The following SPATA18 variants were observed in gnomAD, a reference collection of about 807,000 sequenced individuals.
The protein encoded by SPATA18 is spermatogenesis associated 18.
A neutral mutation model predicts 68.1 loss-of-function variants in SPATA18; 54 were observed. The ratio of observed to expected loss-of-function variants is 0.79; its 90% CI spans 0.64 to 0.99. The LOEUF is 0.99. Ranked by LOEUF, SPATA18 falls within the 50% of genes least tolerant of loss-of-function variation. The probability of loss-of-function intolerance (pLI) is 0.00; values close to 1 mark genes in which losing one functional copy is unlikely to be tolerated. For missense variants in SPATA18, 724 were observed against 681.1 expected (o/e 1.06, Z -0.70); for synonymous variants, 242 against 244.8 (o/e 0.99, Z 0.11).
chr4:52,080,979 A>G (rs766202329), intron 9 of SPATA18, among the ~76,000 whole-genome samples: 33 of 152,344 alleles, frequency 2.2e-4, no homozygotes, highest in Non-Finnish European at 4.3e-4. Flanking sequence ...CAATTGCCTT[A>G]TAGCATGTAA....
rs1455999534 is a variant in SPATA18 at position 52,060,932 on chromosome 4, A to G, written c.309+35A>G. The G allele has an allele frequency of 1.9e-6, 3 of 1,551,476 alleles. No homozygotes were observed. The African/African-American group carries it at 4.1e-5, about 21-fold the overall frequency. Reference sequence around the variant, plus strand: ...CTGAAGGATAACCCTTGACTTTCTGAACAGTGAGATAAAACGAATCAGAAA... The same window carrying G: ...CTGAAGGATAACCCTTGACTTTCTGGACAGTGAGATAAAACGAATCAGAAA... On this transcript the variant is annotated intron_variant, in intron 3 of 12. Coordinates refer to ENST00000295213, the MANE Select transcript of SPATA18 (RefSeq NM_145263.4).
rs573431734 is a variant in SPATA18, at chr4:52,089,878, TG to T, written c.1564-4645del. On this transcript the variant is annotated intron_variant, in intron 11 of 12. Coordinates refer to ENST00000295213, the MANE Select transcript of SPATA18 (RefSeq NM_145263.4). ...TCATTGATCTGTCTAATATTGACAG[TG>T]GGGTGTTAAAGTCTCTCACTATTAT... Among the ~76,000 whole-genome samples, 14 of 152,286 alleles carry T rather than the reference TG, an allele frequency of 9.2e-5. No homozygotes were observed. In the South Asian group the frequency reaches 2.9e-3, roughly 32 times the overall value.
intron 3 of SPATA18, among the ~76,000 whole-genome samples, chr4:52,061,775 G>A (rs1738879290): frequency 6.6e-6 from 1 of 152,088 alleles, no homozygotes; most frequent in African/African-American, 2.4e-5. Context: ...CACATGTTAA[G>A]TACTTTATAG....
At chr4:52,057,626 G>C (rs964969373) in intron 1 of SPATA18, among the ~76,000 whole-genome samples, 2 of 152,150 alleles carry the variant, frequency 1.3e-5, no homozygotes, top group African/African-American at 4.8e-5. Context: ...GCTAGACTCT[G>C]CTCATGAGAT....
rs1390445554 is a variant in SPATA18, at chr4:52,051,511, A to G, written c.-194A>G. ...GGATGAGGCGCGGCGGCTGCGGCCCAGGGCACCTCCCCTCTGGCTTCCCGA... is the reference window on the plus strand; with the variant it reads ...GGATGAGGCGCGGCGGCTGCGGCCCGGGGCACCTCCCCTCTGGCTTCCCGA... On this transcript the variant is annotated 5_prime_UTR_variant, in exon 1 of 13. Transcript: ENST00000295213. 3.2e-5 allele frequency: 19 copies of G among 597,372 alleles called. No individual in the cohort carries two copies. In the South Asian group the frequency reaches 3.3e-4, roughly 11 times the overall value. 37.0% of individuals were successfully genotyped at this position (597,372 alleles called of 1,614,324 possible). A position where few individuals can be genotyped will look rare whatever the true frequency, so the allele number is the denominator to read the frequency against.
rs767294350 is a variant in SPATA18 at position 52,060,423 on chromosome 4, A to T, written c.92A>T (p.Asn31Ile). The stretch of plus-strand genomic sequence containing the variant: ...TCTACTGTTTTGCCCTTGCAGACAA[A>T]CACGTGTGATCAAAATCTAAACCAT... ...LDFWLKEYNTNTCDQNLNHCL... is the reference protein window; with the variant it reads ...LDFWLKEYNTITCDQNLNHCL... The change falls in exon 2 of 13, where the codon AAC becomes ATC. Residue 31 changes from asparagine to isoleucine, a missense_variant. Physicochemically the swap from Asn to Ile is moderately radical, Grantham distance 149 (BLOSUM62 -3). Coordinates refer to ENST00000295213, the MANE Select transcript of SPATA18 (RefSeq NM_145263.4). The T allele has an allele frequency of 6.2e-7, 1 of 1,613,948 alleles. No homozygotes were observed. Among genetic ancestry groups the T allele is most frequent in the Admixed American group, 1.7e-5 (1 of 59,966 alleles).
chr4:52,057,384 G>C (rs1738443607), intron 1 of SPATA18, among the ~76,000 whole-genome samples: 1 of 152,128 alleles, frequency 6.6e-6, no homozygotes, highest in Non-Finnish European at 1.5e-5. Flanking sequence ...ATTGCAACTT[G>C]ATTATCTTGT....
At chr4:52,059,929 C>T (rs745553985) in intron 1 of SPATA18, among the ~76,000 whole-genome samples, 11 of 152,162 alleles carry the variant, frequency 7.2e-5, no homozygotes, top group Admixed American at 2.6e-4. Context: ...TAGGGTTTTA[C>T]TGAGTAGGAT....
chr4:52,064,742 G>A (rs1739176234), intron 4 of SPATA18, among the ~76,000 whole-genome samples: 2 of 152,190 alleles, frequency 1.3e-5, no homozygotes, highest in Non-Finnish European at 2.9e-5. Context: ...AAACATACAT[G>A]TGCATGTGTC....
Position 52,062,209 on chromosome 4 carries a change from T to C in SPATA18, c.310-11T>C. ...CTGTTTTTTTTTTTTTTTTTTGGTG[T>C]ATCTTTCCAGGACACGTTTGATAGG... On this transcript the variant is annotated splice_polypyrimidine_tract_variant and intron_variant, in intron 3 of 12. Coordinates refer to ENST00000295213, the MANE Select transcript of SPATA18 (RefSeq NM_145263.4). The C allele has an allele frequency of 1.4e-6, 2 of 1,389,118 alleles. No homozygotes were observed. The highest frequency in any genetic ancestry group is 2.4e-5 in the East Asian group (1 of 42,394). The allele number at this position is 1,389,118 out of a possible 1,614,324, so 86.0% of individuals were successfully genotyped here. A position where few individuals can be genotyped will look rare whatever the true frequency, so the allele number is the denominator to read the frequency against.
At chr4:52,090,847 G>A (rs955830216) in intron 11 of SPATA18, among the ~76,000 whole-genome samples, 2 of 151,960 alleles carry the variant, frequency 1.3e-5, no homozygotes, top group Non-Finnish European at 2.9e-5. Flanking sequence ...TGCTTGGTTG[G>A]GGAATATCTC....
chr4:52,085,657 G>A (rs747239704), intron 11 of SPATA18, among the ~76,000 whole-genome samples: 1 of 151,960 alleles, frequency 6.6e-6, no homozygotes, highest in Non-Finnish European at 1.5e-5. Context: ...GAGCCCAGGA[G>A]TTTGAGACCA....
At chr4:52,058,381 G>A (rs1738538737) in intron 1 of SPATA18, among the ~76,000 whole-genome samples, 1 of 152,124 alleles carries the variant, frequency 6.6e-6, no homozygotes, top group African/African-American at 2.4e-5. Context: ...TAGTCATCAG[G>A]TACCATTTAC....
intron 1 of SPATA18, among the ~76,000 whole-genome samples, chr4:52,059,488 C>T (rs1158473693): frequency 6.6e-6 from 1 of 152,188 alleles, no homozygotes; most frequent in Non-Finnish European, 1.5e-5. Flanking sequence ...CTAAAAGGTT[C>T]ACTTCTTGGC....
At chr4:52,067,611 C>T (rs1739422199) in intron 4 of SPATA18, among the ~76,000 whole-genome samples, 1 of 152,128 alleles carries the variant, frequency 6.6e-6, no homozygotes, top group Non-Finnish European at 1.5e-5. Context: ...TATTATCCTC[C>T]AAGTCTCAGC....
intron 10 of SPATA18, among the ~76,000 whole-genome samples, chr4:52,083,785 A>AG (rs1741159524): frequency 7.1e-6 from 1 of 140,910 alleles, no homozygotes; most frequent in Non-Finnish European, 1.5e-5. Context: ...TCTGTCTCCC[A>AG]GCTGGAGTGC....
At chr4:52,064,784 C>G (rs1017749889) in intron 4 of SPATA18, among the ~76,000 whole-genome samples, 1 of 152,104 alleles carries the variant, frequency 6.6e-6, no homozygotes, top group Non-Finnish European at 1.5e-5. Flanking sequence ...TTTCTTTGGG[C>G]AGGTATGCAG....
chr4:52,078,250 G>A (rs1036915364), intron 7 of SPATA18: 1 of 152,452 alleles, frequency 6.6e-6, no homozygotes, highest in Non-Finnish European at 1.5e-5. Context: ...CTCTGTCAAT[G>A]TACAGACCAC....
chr4:52,075,751 G>A (rs571324624), intron 6 of SPATA18, among the ~76,000 whole-genome samples: 3 of 152,276 alleles, frequency 2.0e-5, no homozygotes, highest in East Asian at 1.9e-4. Flanking sequence ...CGGCATCAGC[G>A]GCCCGGTATT....
Sources: gnomAD v4.1 joint callset for allele counts (sites outside exome capture counted in the v4.1 genomes callset) on GRCh38, gnomAD v4.1.1 for gene constraint, MANE v1.5 for transcripts, NCBI Gene and HGNC (gene_info 2026-07-23, HGNC 2026-07-21) for gene names.